LDLRAD3: variants seen among roughly 807,000 people sequenced by gnomAD.
LDLRAD3 encodes low density lipoprotein receptor class A domain containing 3, also known as low-density lipoprotein receptor class A domain-containing protein 3.
A neutral mutation model predicts 29.4 loss-of-function variants in LDLRAD3; 20 were observed. That is an observed-to-expected ratio of 0.68 (90% CI 0.48 to 0.99). The LOEUF (loss-of-function observed/expected upper bound fraction) is 0.99, where lower values mean the gene tolerates loss of function less well. Among genes scored for constraint, LDLRAD3 ranks in the 50% least tolerant of loss-of-function variants. LDLRAD3 has a pLI of 0.00. For synonymous variants in LDLRAD3, 157 were observed against 192.7 expected (o/e 0.81, Z 1.53); for missense variants, 420 against 454.3 (o/e 0.92, Z 0.69).
intron 3 of LDLRAD3, among the ~76,000 whole-genome samples, chr11:36,095,601 T>G (rs1853348344): frequency 6.6e-6 from 1 of 152,222 alleles, no homozygotes; most frequent in Non-Finnish European, 1.5e-5. Flanking sequence ...TTTTTAAACA[T>G]ACATACACTT....
At chr11:36,028,669 A>AT (rs950104391) in intron 1 of LDLRAD3, among the ~76,000 whole-genome samples, 31 of 151,950 alleles carry the variant, frequency 2.0e-4, no homozygotes, top group Non-Finnish European at 4.1e-4. Flanking sequence ...AAAGAATTCC[A>AT]TTTTTTTTCT....
chr11:36,205,743 G>A (rs930686682), intron 4 of LDLRAD3, among the ~76,000 whole-genome samples: 1 of 152,178 alleles, frequency 6.6e-6, no homozygotes, highest in Non-Finnish European at 1.5e-5. Context: ...ACAATTAGCT[G>A]AGTCTCCCTT....
chr11:36,097,597 G>T (rs1266359386), intron 3 of LDLRAD3, among the ~76,000 whole-genome samples: 1 of 152,150 alleles, frequency 6.6e-6, no homozygotes, highest in African/African-American at 2.4e-5. Flanking sequence ...AGAGACCAGA[G>T]ACTTGGAAGG....
rs191508250 is a variant in LDLRAD3, at chr11:35,982,460, C to T, written c.46+38316C>T. ...TAACTCGATCACTTCTGTAAAGATCCTGTCTCCAAATATGGCCACATTCTG... is the reference window on the plus strand; with the variant it reads ...TAACTCGATCACTTCTGTAAAGATCTTGTCTCCAAATATGGCCACATTCTG... On this transcript the variant is annotated intron_variant, in intron 1 of 5. Transcript: ENST00000315571. Among the ~76,000 whole-genome samples the T allele has an allele frequency of 2.0e-5, 3 of 152,298 alleles. No individual in the cohort carries two copies. In the East Asian group the frequency reaches 5.8e-4, roughly 29 times the overall value.
intron 1 of LDLRAD3, among the ~76,000 whole-genome samples, chr11:35,962,568 T>C (rs1019503620): frequency 1.3e-5 from 2 of 152,108 alleles, no homozygotes; most frequent in African/African-American, 4.8e-5. Context: ...TTTCCTGGGC[T>C]CTCTGGACCA....
intron 1 of LDLRAD3, among the ~76,000 whole-genome samples, chr11:35,958,345 C>T (rs1343007443): frequency 2.6e-5 from 4 of 152,110 alleles, no homozygotes; most frequent in Admixed American, 6.5e-5. Flanking sequence ...AATTCTTCCA[C>T]GGAAAGAAAA....
intron 4 of LDLRAD3, among the ~76,000 whole-genome samples, chr11:36,117,589 G>A (rs991695551): frequency 1.6e-4 from 25 of 152,200 alleles, no homozygotes; most frequent in African/African-American, 5.5e-4. Context: ...CTAAAACATC[G>A]GAACACCCCA....
chr11:35,966,119 A>G (rs867723355), intron 1 of LDLRAD3, among the ~76,000 whole-genome samples: 2 of 152,362 alleles, frequency 1.3e-5, no homozygotes, highest in Middle Eastern at 3.4e-3. Context: ...TCTTTCGACA[A>G]GATAAAATGC....
chr11:36,174,237 G>A (rs1185518746), intron 4 of LDLRAD3, among the ~76,000 whole-genome samples: 1 of 152,216 alleles, frequency 6.6e-6, no homozygotes, highest in Non-Finnish European at 1.5e-5. Flanking sequence ...AGACTTAAAT[G>A]TTAGACCTAA....
chr11:36,194,121 G>A (rs920238079), intron 4 of LDLRAD3, among the ~76,000 whole-genome samples: 5 of 151,934 alleles, frequency 3.3e-5, no homozygotes, highest in African/African-American at 1.2e-4. Flanking sequence ...TTTTTGCTTT[G>A]CCAGAATACA....
At position 36,180,509 on chromosome 11, in the gene LDLRAD3, G is replaced by A. The variant is rs555303928; in HGVS notation, c.455-46576G>A. On this transcript the variant is annotated intron_variant, in intron 4 of 5. Coordinates refer to ENST00000315571, the MANE Select transcript of LDLRAD3 (RefSeq NM_174902.4). ...CAAGGAGGCCTGCGAGGAGAGTGGC[G>A]GGAGCTGGGGACAGCTGAAGACAGG... is the stretch of plus-strand genomic sequence containing the variant. Among the ~76,000 whole-genome samples, 6 of 152,246 alleles carry A rather than the reference G, an allele frequency of 3.9e-5. No homozygotes were observed. The East Asian group carries it at 5.8e-4, about 15-fold the overall frequency.
intron 1 of LDLRAD3, among the ~76,000 whole-genome samples, chr11:35,945,647 A>G (rs941390188): frequency 1.3e-5 from 2 of 152,204 alleles, no homozygotes; most frequent in African/African-American, 2.4e-5. Flanking sequence ...GGATTCACAA[A>G]TTCAATCTGT....
At chr11:36,222,950 G>T (rs1855449833) in intron 4 of LDLRAD3, among the ~76,000 whole-genome samples, 1 of 152,150 alleles carries the variant, frequency 6.6e-6, no homozygotes, top group Non-Finnish European at 1.5e-5. Context: ...AAGAATTCAA[G>T]ATGCTTGACA....
chr11:35,996,841 C>G (rs1851761474), intron 1 of LDLRAD3, among the ~76,000 whole-genome samples: 1 of 152,164 alleles, frequency 6.6e-6, no homozygotes, highest in African/African-American at 2.4e-5. Flanking sequence ...TGTGGGTTGT[C>G]TCATCCAAAT....
chr11:36,013,116 G>T (rs1435000551), intron 1 of LDLRAD3, among the ~76,000 whole-genome samples: 1 of 152,108 alleles, frequency 6.6e-6, no homozygotes. Flanking sequence ...TCCAAATATC[G>T]CTGAGTGTTC....
At chr11:35,980,616 C>T (rs1015909968) in intron 1 of LDLRAD3, among the ~76,000 whole-genome samples, 4 of 152,174 alleles carry the variant, frequency 2.6e-5, no homozygotes, top group Admixed American at 2.0e-4. Context: ...CAAATGCGAA[C>T]AGGTGCTGAT....
At chr11:35,945,097 A>G (rs1194279902) in intron 1 of LDLRAD3, among the ~76,000 whole-genome samples, 1 of 152,184 alleles carries the variant, frequency 6.6e-6, no homozygotes, top group Non-Finnish European at 1.5e-5. Context: ...TCTGATGCCT[A>G]GAATGTGGGT....
At chr11:36,069,856 GAC>G (rs1314556066) in intron 2 of LDLRAD3, among the ~76,000 whole-genome samples, 3 of 152,068 alleles carry the variant, frequency 2.0e-5, no homozygotes, top group African/African-American at 7.2e-5. Context: ...TTGCAGGTGC[GAC>G]ACAGAGTTTG....
intron 4 of LDLRAD3, among the ~76,000 whole-genome samples, chr11:36,115,582 A>G (rs1853663033): frequency 6.6e-6 from 1 of 152,084 alleles, no homozygotes; most frequent in Admixed American, 6.5e-5. Flanking sequence ...AAGGCTACTG[A>G]CCTCAAGCTC....
Sources: allele counts gnomAD v4.1 joint callset (sites outside exome capture counted in the v4.1 genomes callset), GRCh38; gene constraint gnomAD v4.1.1; transcripts MANE v1.5; gene names NCBI Gene and HGNC (gene_info 2026-07-23, HGNC 2026-07-21).